The following COL6A3 variants were observed in gnomAD, a reference collection of about 807,000 sequenced individuals.
COL6A3 encodes the protein collagen alpha-3(VI) chain.
Under a neutral mutation model 274.1 loss-of-function variants are expected in COL6A3, and 137 were observed. The ratio of observed to expected loss-of-function variants is 0.50; its 90% CI spans 0.44 to 0.58. The LOEUF is 0.58. COL6A3 is among the 20% of genes least tolerant of loss of function. The pLI is 0.00. For missense variants in COL6A3, 3,950 were observed against 4,124.9 expected (o/e 0.96, Z 1.16); for synonymous variants, 1,650 against 1,650.6 (o/e 1.00, Z 0.01).
chr2:237,369,304 G>T, intron 9 of COL6A3, 127 bp from the exon 10 acceptor site: 3 of 1,304,982 alleles, frequency 2.3e-6, no homozygotes, highest in Non-Finnish European at 3.2e-6. Flanking sequence ...TGTGTTGTTT[G>T]TATCTCGGGC....
chr2:237,355,038 G>A, intron 23 of COL6A3, 104 bp from the exon 24 acceptor site: 1 of 1,105,598 alleles, frequency 9.0e-7, no homozygotes, highest in East Asian at 2.6e-5. Context: ...CGGTTACTCA[G>A]GGGAATCTTC....
chr2:237,325,169 C>T (rs1027565721), intron 43 of COL6A3, among the ~76,000 whole-genome samples: 5 of 152,188 alleles, frequency 3.3e-5, no homozygotes, highest in Non-Finnish European at 7.3e-5. Context: ...AATGGAGATA[C>T]TGGATGGCCC....
At chr2:237,358,683 A>G in intron 20 of COL6A3, 100 bp from the exon 21 acceptor site, 1 of 1,102,328 alleles carries the variant, frequency 9.1e-7, no homozygotes, top group South Asian at 1.3e-5. Context: ...AACTAGAACA[A>G]TGTTTACAAT....
intron 2 of COL6A3, 107 bp from the exon 3 acceptor site, chr2:237,395,311 A>G: frequency 9.0e-7 from 1 of 1,113,022 alleles, no homozygotes; most frequent in Non-Finnish European, 1.3e-6. Flanking sequence ...CTGCTACTAA[A>G]CACTTCACAC....
In COL6A3 at chr2:237,368,684, G is replaced by C; in HGVS notation, c.4779C>G (p.Val1593=). ...GCTCTCTGAACTCTCGCACTGTGAA[G>C]ACCAGTCTGGGGTCATTGGTGATGG... ...LQTITNDPRL[V]FTVREFRELP... Residue 1593 remains valine (V), a synonymous_variant, in exon 10 of 44, where the codon GTC becomes GTG. Transcript: ENST00000295550. This position sits in a 1 kb window ranked among gnomAD's most constrained non-coding sequence, Gnocchi z 4.4. 6.2e-7 allele frequency: 1 copy of C among 1,614,124 alleles called. No individual in the cohort carries two copies.
chr2:237,345,522 G>T (rs1444621879), intron 32 of COL6A3, among the ~76,000 whole-genome samples: 1 of 152,192 alleles, frequency 6.6e-6, no homozygotes. Context: ...CTTCTCTTGA[G>T]AAAAGAGCTC....
rs148306516 is a variant in COL6A3, at chr2:237,353,636, G to A, written c.6628-233C>T. ...CCTCACTCTTGCCTCACCTCTCCTC[G>A]GACAGCTTTGTGAAACAGGGATCAT... On this transcript the variant is annotated intron_variant, in intron 24 of 43. Transcript: ENST00000295550. 0.018 allele frequency among the ~76,000 whole-genome samples: 2,671 copies of A among 152,190 alleles called. 84 individuals carry two copies. The highest frequency in any genetic ancestry group is 0.06 in the African/African-American group (2,504 of 41,506).
rs570535376 is a variant in COL6A3, at chr2:237,348,089, T to C, written c.6967-220A>G. Among the ~76,000 whole-genome samples the C allele has an allele frequency of 1.8e-4, 28 of 152,372 alleles. 1 individual carries two copies. The South Asian group carries it at 5.8e-3, about 32-fold the overall frequency. On this transcript the variant is annotated intron_variant, in intron 30 of 43. Transcript: ENST00000295550. The stretch of plus-strand genomic sequence containing the variant: ...AGTAATGATACTATCATGTAGGTTA[T>C]AGCATTTCACAGCTTACAGAGTACT...
chr2:237,388,981 C>T (rs1276346329), intron 3 of COL6A3, among the ~76,000 whole-genome samples: 1 of 152,112 alleles, frequency 6.6e-6, no homozygotes, highest in African/African-American at 2.4e-5. Context: ...CAATGTTAAG[C>T]AGAGTGATAT....
chr2:237,353,986 T>G (rs969750451), intron 24 of COL6A3, among the ~76,000 whole-genome samples: 1 of 152,078 alleles, frequency 6.6e-6, no homozygotes, highest in Non-Finnish European at 1.5e-5. Flanking sequence ...TCCCATTCTA[T>G]TCTTAAATAA....
chr2:237,371,677 G>C lies in COL6A3; in HGVS notation c.4285+55C>G. The C allele has an allele frequency of 6.5e-7, 1 of 1,532,646 alleles. No individual in the cohort carries two copies. Among genetic ancestry groups the C allele is most frequent in the East Asian group, 2.3e-5 (1 of 44,238 alleles). 94.9% of individuals were successfully genotyped at this position (1,532,646 alleles called of 1,614,324 possible). The stretch of plus-strand genomic sequence containing the variant: ...TATGAGTACCATGGCCTTTGAGCCT[G>C]TTATTTTTCATATGGAAAATGCTCC... On this transcript the variant is annotated intron_variant, in intron 9 of 43. Transcript: ENST00000295550. This position sits in a 1 kb window ranked among gnomAD's most constrained non-coding sequence, Gnocchi z 4.3.
At position 237,377,076 on chromosome 2, in the gene COL6A3, A is replaced by G; in HGVS notation, c.2766T>C (p.Tyr922=). Residue 922 remains tyrosine, a synonymous_variant, in exon 7 of 44, where the codon TAT becomes TAC. Coordinates refer to ENST00000295550, the MANE Select transcript of COL6A3 (RefSeq NM_004369.4). ...ACTTCACAAAAATGTACCTCTGTGC[A>G]TAGTCCAGCGCGTAGCCCAGGTTGA... ...KALNLGYALD[Y]AQRYIFVKSA... The G allele has an allele frequency of 6.2e-7, 1 of 1,614,258 alleles. No individual in the cohort carries two copies. The highest frequency in any genetic ancestry group is 8.5e-7 in the Non-Finnish European group (1 of 1,180,048).
At chr2:237,387,442 CA>C (rs2078171678) in intron 4 of COL6A3, 139 bp downstream of exon 4, 1 of 1,276,366 alleles carries the variant, frequency 7.8e-7, no homozygotes, top group African/African-American at 1.5e-5. Flanking sequence ...ATCCAGGACC[CA>C]GCTCATCAGG....
At position 237,387,887 on chromosome 2, in the gene COL6A3, C is replaced by T. The variant is rs745667305; in HGVS notation, c.1007G>A (p.Arg336Gln). Residue 336 changes from arginine (R) to glutamine (Q), a missense_variant, in exon 4 of 44, where the codon CGG becomes CAG. Coordinates refer to ENST00000295550, the MANE Select transcript of COL6A3 (RefSeq NM_004369.4). ...LDFVVENHFTRAGGSRVEEGV... is the reference protein window; with the variant it reads ...LDFVVENHFTQAGGSRVEEGV... ...TTCCTCCACGCGGCTGCCCCCTGCC[C>T]GGGTGAAGTGGTTCTCCACCACGAA... 1.6e-5 allele frequency: 26 copies of T among 1,613,956 alleles called. No homozygotes were observed. The highest frequency in any genetic ancestry group is 2.7e-5 in the African/African-American group (2 of 74,938).
At position 237,361,969 on chromosome 2, in the gene COL6A3, T is replaced by C; in HGVS notation, c.6064-138A>G. 1.2e-6 allele frequency: 1 copy of C among 805,346 alleles called. No homozygotes were observed. Among genetic ancestry groups the C allele is most frequent in the African/African-American group, 1.7e-5 (1 of 59,110 alleles). 49.9% of individuals were successfully genotyped at this position (805,346 alleles called of 1,614,324 possible). On this transcript the variant is annotated intron_variant, in intron 14 of 43. Coordinates refer to ENST00000295550, the MANE Select transcript of COL6A3 (RefSeq NM_004369.4). This position sits in a 1 kb window ranked among gnomAD's most constrained non-coding sequence, Gnocchi z 5.1. ...TGAAGTCCCTCCAGGTGACATTTGC[T>C]GGACGACTGACGATATGATAGAAAT...
At chr2:237,403,547 C>A (rs2106399952) in intron 1 of COL6A3, among the ~76,000 whole-genome samples, 1 of 152,242 alleles carries the variant, frequency 6.6e-6, no homozygotes, top group South Asian at 2.1e-4. Context: ...CAGTTATCAA[C>A]AGAACAGATA....
intron 43 of COL6A3, 72 bp downstream of exon 43, chr2:237,325,488 A>AT: frequency 6.6e-7 from 1 of 1,519,968 alleles, no homozygotes; most frequent in South Asian, 1.1e-5. Context: ...CACTTCTAAT[A>AT]TTTTTCAAGG....
At chr2:237,381,534 G>T in intron 4 of COL6A3, 35 bp from the exon 5 acceptor site, 1 of 1,486,994 alleles carries the variant, frequency 6.7e-7, no homozygotes, top group Non-Finnish European at 9.2e-7. Context: ...AATTAGAATG[G>T]CCTTACCAAG....
chr2:237,409,315 C>G (rs2078796566), intron 1 of COL6A3, among the ~76,000 whole-genome samples: 1 of 151,958 alleles, frequency 6.6e-6, no homozygotes, highest in Non-Finnish European at 1.5e-5. Context: ...TATTATTATA[C>G]TTTAAGTTTT....
Sources: gnomAD v4.1 joint callset for allele counts (sites outside exome capture counted in the v4.1 genomes callset) on GRCh38, gnomAD v4.1.1 for gene constraint, Gnocchi (gnomAD v3.1) non-coding constraint, MANE v1.5 for transcripts, NCBI Gene and HGNC (gene_info 2026-07-23, HGNC 2026-07-21) for gene names.